DMD: variants seen among roughly 807,000 people sequenced by gnomAD.
DMD encodes the protein dystrophin.
Under a neutral mutation model 330.1 loss-of-function variants are expected in DMD, and 63 were observed. The ratio of observed to expected loss-of-function variants is 0.19; its 90% CI spans 0.16 to 0.24. The LOEUF (loss-of-function observed/expected upper bound fraction) is 0.24, where lower values mean the gene tolerates loss of function less well. DMD is among the 10% of genes least tolerant of loss of function. DMD has a pLI of 1.00. For missense variants in DMD, 3,344 were observed against 2,684.1 expected (o/e 1.25, Z -5.43); for synonymous variants, 1,223 against 959.8 (o/e 1.27, Z -5.07).
intron 26 of DMD, among the ~76,000 whole-genome samples, chrX:32,449,650 AAAT>A (rs1280162354): frequency 9.2e-6 from 1 of 108,382 alleles, no homozygotes; most frequent in Non-Finnish European, 1.9e-5. Context: ...TCATTGCAAA[AAAT>A]AATGAACCCA....
chrX:31,299,774 TAAAA>T (rs35813284), intron 62 of DMD, among the ~76,000 whole-genome samples: 119 of 56,906 alleles, frequency 2.1e-3, no homozygotes, highest in African/African-American at 7.2e-3. Context: ...GACTCCGTCT[TAAAA>T]AAAAAAAAAA....
intron 1 of DMD, among the ~76,000 whole-genome samples, chrX:33,097,093 T>C (rs185020932): frequency 1.8e-5 from 2 of 111,556 alleles, no homozygotes; most frequent in Non-Finnish European, 3.8e-5. Flanking sequence ...TAATACCTGT[T>C]CTCAAGAATC....
intron 2 of DMD, among the ~76,000 whole-genome samples, chrX:32,868,351 G>A (rs1421221166): frequency 1.8e-5 from 2 of 111,362 alleles, no homozygotes; most frequent in Admixed American, 9.5e-5. Context: ...GGGCGGGGGC[G>A]GCCATCATCA....
intron 47 of DMD, among the ~76,000 whole-genome samples, chrX:31,896,133 C>G (rs1417218548): frequency 1.0e-5 from 1 of 96,416 alleles, no homozygotes; most frequent in Non-Finnish European, 2.1e-5. Flanking sequence ...TACAAGATAA[C>G]TTGAATGATC....
intron 1 of DMD, among the ~76,000 whole-genome samples, chrX:33,070,642 T>TCC (rs1411042620): frequency 3.3e-4 from 10 of 30,554 alleles, no homozygotes; most frequent in African/African-American, 1.1e-3. Flanking sequence ...TCTATCCATC[T>TCC]CTCTCTCTCT....
At chrX:31,663,690 C>G (rs2081259365) in intron 53 of DMD, among the ~76,000 whole-genome samples, 1 of 111,373 alleles carries the variant, frequency 9.0e-6, no homozygotes, top group African/African-American at 3.3e-5. Flanking sequence ...CCTCCACATA[C>G]TCCCTCTCTC....
At chrX:32,966,897 G>A (rs1157228269) in intron 2 of DMD, among the ~76,000 whole-genome samples, 1 of 112,015 alleles carries the variant, frequency 8.9e-6, no homozygotes, top group African/African-American at 3.2e-5. Flanking sequence ...CTGAAGAGTG[G>A]CCAAGGTCTT....
At chrX:31,728,915 C>T (rs1200005180) in intron 52 of DMD, among the ~76,000 whole-genome samples, 1 of 111,032 alleles carries the variant, frequency 9.0e-6, no homozygotes, top group Non-Finnish European at 1.9e-5. Context: ...CTGACTTGGA[C>T]CTCATTTCTG....
At position 33,114,800 on chromosome X, in the gene DMD, C is replaced by T. The variant is rs934313566; in HGVS notation, c.32-94600G>A. Among the ~76,000 whole-genome samples, 5 of 112,011 alleles carry T rather than the reference C, an allele frequency of 4.5e-5. No homozygotes were observed. In the Admixed American group the frequency reaches 4.7e-4, roughly 11 times the overall value. On this transcript the variant is annotated intron_variant, in intron 1 of 78. Transcript: ENST00000357033. ...TCATTAATAGTGCCTGTGTTTAACA[C>T]TTTGATAACTCACCATACAGAAGTA...
intron 30 of DMD, among the ~76,000 whole-genome samples, chrX:32,399,288 G>A (rs777029734): frequency 5.4e-5 from 6 of 111,398 alleles, no homozygotes; most frequent in African/African-American, 2.0e-4. Flanking sequence ...AACCCACAAA[G>A]TGAAGAGACA....
intron 44 of DMD, among the ~76,000 whole-genome samples, chrX:32,017,684 G>A (rs2095774256): frequency 8.9e-6 from 1 of 111,813 alleles, no homozygotes; most frequent in Non-Finnish European, 1.9e-5. Flanking sequence ...AAGATGGCAA[G>A]ATGAAGCAAG....
At chrX:31,307,671 T>G (rs2055149565) in intron 62 of DMD, among the ~76,000 whole-genome samples, 1 of 111,958 alleles carries the variant, frequency 8.9e-6, no homozygotes, top group Non-Finnish European at 1.9e-5. Context: ...TTCATGCAAT[T>G]AAAATCTTTT....
rs943940765 is a variant in DMD at position 32,084,343 on chromosome X, G to A, written c.6439-115829C>T. On this transcript the variant is annotated intron_variant, in intron 44 of 78. Transcript: ENST00000357033. ...ACCAAGATGTTTCCTTCCTGAGGCCGTGTGACCTGATTCAGAGCTGCATCT... is the reference window on the plus strand; with the variant it reads ...ACCAAGATGTTTCCTTCCTGAGGCCATGTGACCTGATTCAGAGCTGCATCT... Among the ~76,000 whole-genome samples the A allele has an allele frequency of 4.5e-5, 5 of 111,001 alleles. No homozygotes were observed. The East Asian group carries it at 8.5e-4, about 19-fold the overall frequency.
At chrX:31,573,257 G>A (rs1339800595) in intron 55 of DMD, among the ~76,000 whole-genome samples, 1 of 111,332 alleles carries the variant, frequency 9.0e-6, no homozygotes, top group Admixed American at 9.5e-5. Context: ...CAAAATATTC[G>A]GAAACCATTT....
chrX:32,753,841 A>T (rs747842842), intron 7 of DMD, among the ~76,000 whole-genome samples: 27 of 111,824 alleles, frequency 2.4e-4, no homozygotes, highest in Non-Finnish European at 3.8e-4. Context: ...ACCTTTATAT[A>T]ACCTAGCAAG....
chrX:32,243,564 T>G (rs2097217565), intron 43 of DMD, among the ~76,000 whole-genome samples: 1 of 111,899 alleles, frequency 8.9e-6, no homozygotes, highest in Non-Finnish European at 1.9e-5. Flanking sequence ...ACTACACCAT[T>G]ATACAGTCAT....
At chrX:32,205,006 CACAT>C (rs1282669659) in intron 44 of DMD, among the ~76,000 whole-genome samples, 1,069 of 18,401 alleles carry the variant, frequency 0.058, 24 homozygotes, top group African/African-American at 0.15. Context: ...CTCTCTCTCT[CACAT>C]ACACACACAC....
intron 58 of DMD, among the ~76,000 whole-genome samples, chrX:31,478,723 C>G (rs1281488449): frequency 8.9e-6 from 1 of 111,962 alleles, no homozygotes; most frequent in African/African-American, 3.2e-5. Context: ...AGATAACTCC[C>G]TTTGTTTATT....
At position 33,304,868 on chromosome X, in the gene DMD, T is replaced by C. The variant is rs1194111510; in HGVS notation, c.7+34391A>G. ...AATGCAAATCAAAACCACAATGAGA[T>C]ACCATCTCACACCAGTTAGAATGGC... On this transcript the variant is annotated intron_variant, in intron 1 of 17. Coordinates refer to the DMD transcript ENST00000288447. 2.8e-3 allele frequency among the ~76,000 whole-genome samples: 291 copies of C among 104,064 alleles called. 2 individuals carry two copies. Among genetic ancestry groups the C allele is most frequent in the African/African-American group, 9.0e-3 (257 of 28,567 alleles). 90.4% of individuals were successfully genotyped at this position (104,064 alleles called of 115,157 possible).
Sources: allele counts gnomAD v4.1 joint callset (sites outside exome capture counted in the v4.1 genomes callset), GRCh38; gene constraint gnomAD v4.1.1; transcripts MANE v1.5; gene names NCBI Gene and HGNC (gene_info 2026-07-23, HGNC 2026-07-21).